The following KIF9 variants were observed in gnomAD, a reference collection of about 807,000 sequenced individuals.
The protein encoded by KIF9 is kinesin-like protein KIF9.
A neutral mutation model predicts 94.8 loss-of-function variants in KIF9; 68 were observed. The observed-to-expected ratio is 0.72, with a 90% CI of 0.59 to 0.88. The LOEUF is 0.88. Ranked by LOEUF, KIF9 falls within the 40% of genes least tolerant of loss-of-function variation. The pLI, the probability that KIF9 is intolerant of heterozygous loss-of-function variation, is 0.00. For missense variants in KIF9, 882 were observed against 982.5 expected, an observed-to-expected ratio of 0.90 and a Z score of 1.37; for synonymous variants, 343 against 362.1, an observed-to-expected ratio of 0.95 and a Z score of 0.60.
chr3:47,281,438 C>T (rs928624634), intron 1 of KIF9, among the ~76,000 whole-genome samples: 3 of 152,170 alleles, frequency 2.0e-5, no homozygotes, highest in Non-Finnish European at 2.9e-5. Flanking sequence ...GCCTCCACAT[C>T]CTGGGTTCAA....
chr3:47,252,274 T>A (rs951967371), intron 10 of KIF9, among the ~76,000 whole-genome samples: 1 of 152,120 alleles, frequency 6.6e-6, no homozygotes, highest in Non-Finnish European at 1.5e-5. Context: ...ACAATGCAGA[T>A]CTTAGAACAC....
In KIF9 at chr3:47,277,340, C is replaced by G. The variant is rs76198671; in HGVS notation, c.35G>C (p.Arg12Pro). The change falls in exon 2 of 21, where the codon CGT becomes CCT. Residue 12 changes from arginine (R) to proline (P), a missense_variant. Coordinates refer to ENST00000684063, the MANE Select transcript of KIF9 (RefSeq NM_182902.4). The part of the protein sequence containing the change: ...GTRKKVHAFV[R>P]VKPTDDFAHE... Reference sequence around the variant, plus strand: ...AGCAAAGTCATCGGTGGGTTTGACACGGACAAATGCATGAACTTTTTTCCT... The same window carrying G: ...AGCAAAGTCATCGGTGGGTTTGACAGGGACAAATGCATGAACTTTTTTCCT... The G allele has an allele frequency of 3.1e-6, 5 of 1,613,602 alleles. No homozygotes were observed.
chr3:47,277,125 G>A, intron 2 of KIF9, 157 bp downstream of exon 2: 2 of 448,546 alleles, frequency 4.5e-6, no homozygotes, highest in Non-Finnish European at 8.1e-6. Context: ...CATTAGCAGT[G>A]TGTGAGGGGG....
chr3:47,271,834 T>C (rs150179824), intron 4 of KIF9, among the ~76,000 whole-genome samples: 53 of 152,236 alleles, frequency 3.5e-4, no homozygotes, highest in Middle Eastern at 3.4e-3. Flanking sequence ...AATAAAATTA[T>C]TTGTCAGCCG....
chr3:47,273,941 C>G (rs138882129), intron 3 of KIF9, among the ~76,000 whole-genome samples: 3 of 152,204 alleles, frequency 2.0e-5, no homozygotes, highest in East Asian at 3.9e-4. Flanking sequence ...CTGAGAAGGA[C>G]AGGGAATCTC....
chr3:47,249,365 C>T (rs577898869), intron 10 of KIF9, among the ~76,000 whole-genome samples: 64 of 151,902 alleles, frequency 4.2e-4, no homozygotes, highest in African/African-American at 1.4e-3. Flanking sequence ...AGGCTGGTCT[C>T]GAACTCTTGA....
Position 47,282,780 on chromosome 3 carries a change from C to T in KIF9, c.-291G>A, listed in dbSNP as rs1702480770. 10 of 1,431,480 alleles carry T rather than the reference C, an allele frequency of 7.0e-6. No homozygotes were observed. Among genetic ancestry groups the T allele is most frequent in the Non-Finnish European group, 8.2e-6 (9 of 1,096,670 alleles). 88.7% of individuals were successfully genotyped at this position (1,431,480 alleles called of 1,614,324 possible). A position where few individuals can be genotyped will look rare whatever the true frequency, so the allele number is the denominator to read the frequency against. ...GGTCGAGATAGCGAGGGAACGAAGG[C>T]CGCACATGAACCAGGAAGCGGAGTG... On this transcript the variant is annotated 5_prime_UTR_variant, in exon 1 of 21. Transcript: ENST00000684063.
intron 15 of KIF9, chr3:47,243,509 C>T (rs1394205584): frequency 3.1e-6 from 1 of 318,668 alleles, no homozygotes; most frequent in African/African-American, 2.1e-5. Context: ...AAAATGGGTA[C>T]AATCTCCAGG....
intron 17 of KIF9, chr3:47,238,558 A>C (rs1699216871): frequency 1.3e-5 from 2 of 152,014 alleles, no homozygotes; most frequent in Admixed American, 1.3e-4. Flanking sequence ...AAGTAAATTC[A>C]ATAAAATAAA....
rs763791845 is a variant in KIF9, at chr3:47,244,862, G to A, written c.1443C>T (p.Leu481=). The A allele has an allele frequency of 1.8e-5, 29 of 1,614,028 alleles. No homozygotes were observed. In the South Asian group the frequency reaches 2.1e-4, roughly 12 times the overall value. Residue 481 remains leucine, a synonymous_variant, in exon 15 of 21, where the codon CTC becomes CTT. Transcript: ENST00000684063. ...GTTTGGTAGAGAAAGGGGCGACTCC[G>A]AGTCCAAAGTTTTGTCCTTCAGGCT... is the stretch of plus-strand genomic sequence containing the variant. The part of the protein sequence containing the change: ...VGEPEGQNFG[L]GVAPFSTKPG...
At chr3:47,262,713 G>A (rs1348760648) in intron 9 of KIF9, among the ~76,000 whole-genome samples, 1 of 152,172 alleles carries the variant, frequency 6.6e-6, no homozygotes, top group Admixed American at 6.5e-5. Context: ...CACTCTCCTT[G>A]GAAGCTGGGA....
At chr3:47,235,677 G>GGT in intron 19 of KIF9, 60 bp from the exon 20 acceptor site, 1 of 1,372,190 alleles carries the variant, frequency 7.3e-7, no homozygotes, top group South Asian at 1.2e-5. Flanking sequence ...CAGAGCCTGT[G>GGT]GTGTGCATCA....
chr3:47,263,654 CT>C, intron 9 of KIF9: 1 of 355,944 alleles, frequency 2.8e-6, no homozygotes, highest in East Asian at 7.5e-5. Flanking sequence ...CAGTGCCCAT[CT>C]TTCCCTACTC....
intron 5 of KIF9, among the ~76,000 whole-genome samples, chr3:47,269,959 G>A (rs920624313): frequency 2.6e-5 from 4 of 151,804 alleles, no homozygotes; most frequent in South Asian, 2.1e-4. Flanking sequence ...TAGTAGAGAC[G>A]GGGTTTCACC....
At chr3:47,250,617 A>G (rs1700212355) in intron 10 of KIF9, 3 of 460,390 alleles carry the variant, frequency 6.5e-6, no homozygotes, top group Non-Finnish European at 1.3e-5. Flanking sequence ...CTCATGAACT[A>G]CAAAAGGATC....
intron 9 of KIF9, among the ~76,000 whole-genome samples, chr3:47,259,366 A>T (rs1479611659): frequency 1.3e-5 from 2 of 152,180 alleles, no homozygotes; most frequent in Non-Finnish European, 2.9e-5. Context: ...CCACAAGGCC[A>T]TGTCAGGACA....
chr3:47,264,478 C>T, intron 8 of KIF9, 128 bp from the exon 9 acceptor site: 1 of 689,920 alleles, frequency 1.4e-6, no homozygotes, highest in Non-Finnish European at 2.6e-6. Context: ...ACTATGTCAC[C>T]CAGGCTGTAG....
At chr3:47,264,433 A>C in intron 8 of KIF9, 83 bp from the exon 9 acceptor site, 1 of 1,101,150 alleles carries the variant, frequency 9.1e-7, no homozygotes, top group Middle Eastern at 2.0e-4. Context: ...TTATATACTG[A>C]ATGCTTTTTA....
chr3:47,230,436 TAAAAA>T (rs1698478650), intron 20 of KIF9, among the ~76,000 whole-genome samples: 3 of 151,646 alleles, frequency 2.0e-5, no homozygotes, highest in Admixed American at 2.0e-4. Flanking sequence ...TGTTTTTAAT[TAAAAA>T]GAAAAAGAAT....
Sources: gnomAD v4.1 joint callset for allele counts (sites outside exome capture counted in the v4.1 genomes callset) on GRCh38, gnomAD v4.1.1 for gene constraint, MANE v1.5 for transcripts, NCBI Gene and HGNC (gene_info 2026-07-23, HGNC 2026-07-21) for gene names.